Variants in EPB41L1 observed in about 807,000 individuals in gnomAD.
EPB41L1 encodes erythrocyte membrane protein band 4.1 like 1.
In EPB41L1, 29 loss-of-function variants were observed where a neutral mutation model predicts 97.8. That is an observed-to-expected ratio of 0.30 (90% CI 0.22 to 0.40). The LOEUF (loss-of-function observed/expected upper bound fraction) is 0.40. Among genes scored for constraint, EPB41L1 ranks in the 10% least tolerant of loss-of-function variants. EPB41L1 has a pLI of 1.00. For missense variants in EPB41L1, 812 were observed against 1,162.3 expected, an observed-to-expected ratio of 0.70 and a Z score of 4.38; for synonymous variants, 383 against 459.2, an observed-to-expected ratio of 0.83 and a Z score of 2.12.
intron 2 of EPB41L1, among the ~76,000 whole-genome samples, chr20:36,148,269 A>G (rs1273660119): frequency 2.0e-5 from 3 of 152,214 alleles, no homozygotes. Context: ...GACAGGTCAC[A>G]TGACCCTGAA....
At chr20:36,197,534 G>A (rs2062267049) in intron 13 of EPB41L1, 2 of 655,410 alleles carry the variant, frequency 3.1e-6, no homozygotes, top group African/African-American at 2.0e-5. Context: ...TAGCACCACA[G>A]GGAACTCACC....
rs1316126455 is a variant in EPB41L1, at chr20:36,206,866, C to A, written c.1669-2622C>A. 1.6e-6 allele frequency: 2 copies of A among 1,289,806 alleles called. No individual in the cohort carries two copies. The highest frequency in any genetic ancestry group is 3.0e-5 in the African/African-American group (2 of 65,878). 79.9% of individuals were successfully genotyped at this position (1,289,806 alleles called of 1,614,324 possible). On this transcript the variant is annotated intron_variant, in intron 14 of 21. Coordinates refer to ENST00000338074, the MANE Select transcript of EPB41L1 (RefSeq NM_012156.2). The surrounding 1 kb of genome is among the most constrained non-coding windows in gnomAD (Gnocchi z 5.5). ...GGCTGAGGAAAGTCCCACAGAGGAA[C>A]TGAAGAAGCACCCTCCTCACAGAGG...
chr20:36,181,337 A>G (rs1275645552), intron 5 of EPB41L1, among the ~76,000 whole-genome samples: 2 of 152,296 alleles, frequency 1.3e-5, no homozygotes, highest in East Asian at 3.9e-4. Context: ...TCCCCTCTCA[A>G]GTGACCACCC....
At chr20:36,113,383 T>C (rs1304149665) in intron 2 of EPB41L1, among the ~76,000 whole-genome samples, 1 of 151,888 alleles carries the variant, frequency 6.6e-6, no homozygotes, top group African/African-American at 2.4e-5. Flanking sequence ...TGAAGTATCT[T>C]TGTACCCCTA....
chr20:36,135,398 T>G (rs891896649), intron 2 of EPB41L1, among the ~76,000 whole-genome samples: 2 of 152,204 alleles, frequency 1.3e-5, no homozygotes, highest in African/African-American at 4.8e-5. Flanking sequence ...TGATACCACA[T>G]GGGCCGAAGC....
intron 2 of EPB41L1, among the ~76,000 whole-genome samples, chr20:36,143,946 G>A (rs2059742655): frequency 1.3e-5 from 2 of 151,558 alleles, no homozygotes; most frequent in South Asian, 4.2e-4. Flanking sequence ...TCTGCCTCCC[G>A]GGTTCAAGTG....
At chr20:36,118,667 A>T (rs1423129296) in intron 2 of EPB41L1, among the ~76,000 whole-genome samples, 1 of 152,210 alleles carries the variant, frequency 6.6e-6, no homozygotes, top group Admixed American at 6.5e-5. Flanking sequence ...CAATTTTTTT[A>T]AAAAAGAATA....
rs1415843121 is a variant in EPB41L1 at position 36,206,911 on chromosome 20, C to T, written c.1669-2577C>T. ...CAGAGGACAGGGCGTGCATCCCGAC[C>T]CCCAGGCCTGCGCCCTTCCTCGGGC... On this transcript the variant is annotated intron_variant, in intron 14 of 21. Coordinates refer to ENST00000338074, the MANE Select transcript of EPB41L1 (RefSeq NM_012156.2). The surrounding 1 kb of genome is among the most constrained non-coding windows in gnomAD (Gnocchi z 5.5). The T allele has an allele frequency of 1.6e-6, 2 of 1,289,952 alleles. No homozygotes were observed. Among genetic ancestry groups the T allele is most frequent in the South Asian group, 1.2e-5 (1 of 81,038 alleles). The allele number at this position is 1,289,952 out of a possible 1,614,324, so 79.9% of individuals were successfully genotyped here.
At position 36,206,751 on chromosome 20, in the gene EPB41L1, C is replaced by T; in HGVS notation, c.1669-2737C>T. 7.8e-7 allele frequency: 1 copy of T among 1,289,824 alleles called. No homozygotes were observed. Among genetic ancestry groups the T allele is most frequent in the Non-Finnish European group, 1.0e-6 (1 of 988,888 alleles). The allele number at this position is 1,289,824 out of a possible 1,614,324, so 79.9% of individuals were successfully genotyped here. A position where few individuals can be genotyped will look rare whatever the true frequency, so the allele number is the denominator to read the frequency against. On this transcript the variant is annotated intron_variant, in intron 14 of 21. Coordinates refer to ENST00000338074, the MANE Select transcript of EPB41L1 (RefSeq NM_012156.2). The surrounding 1 kb of genome is among the most constrained non-coding windows in gnomAD (Gnocchi z 5.5). Reference sequence around the variant, plus strand: ...CGTTTGCTGAAGGCTGGGAAGATGCCCAGTGGGGAGTGGAAGGAGAGTTTC... The same window carrying T: ...CGTTTGCTGAAGGCTGGGAAGATGCTCAGTGGGGAGTGGAAGGAGAGTTTC...
At chr20:36,143,182 T>TGTGTGTGTGTGTG (rs1600555294) in intron 2 of EPB41L1, among the ~76,000 whole-genome samples, 2 of 113,494 alleles carry the variant, frequency 1.8e-5, no homozygotes, top group African/African-American at 7.2e-5. Context: ...TGTGTGTGTG[T>TGTGTGTGTGTGTG]TGGGGATAGA....
chr20:36,173,104 C>A (rs1017525306), intron 1 of EPB41L1, among the ~76,000 whole-genome samples: 2 of 152,224 alleles, frequency 1.3e-5, no homozygotes, highest in Non-Finnish European at 2.9e-5. Flanking sequence ...TTGGATGAGT[C>A]TGAGAGAGGT....
At chr20:36,140,231 GTTTT>G (rs756465286) in intron 2 of EPB41L1, among the ~76,000 whole-genome samples, 1 of 121,356 alleles carries the variant, frequency 8.2e-6, no homozygotes, top group Admixed American at 8.6e-5. Context: ...CTTTTTGTAT[GTTTT>G]TTTTTTTTTT....
chr20:36,214,487 C>G (rs1304117375), intron 17 of EPB41L1, 47 bp downstream of exon 17: 1 of 1,481,000 alleles, frequency 6.8e-7, no homozygotes, highest in Admixed American at 1.8e-5. Context: ...CCCCCTGCCC[C>G]ACCAAACAGC....
At position 36,212,356 on chromosome 20, in the gene EPB41L1, T is replaced by C; in HGVS notation, c.2164T>C (p.Ser722Pro). ...GGAGGCCGTACTGCAGACCAGAGTC[T>C]CCGCTATGGATAACACCCAGGTAAC... ...EPEAVLQTRVSAMDNTQQVDG... is the reference protein window; with the variant it reads ...EPEAVLQTRVPAMDNTQQVDG... The change falls in exon 16 of 22, where the codon TCC becomes CCC. Residue 722 changes from serine (S) to proline (P), a missense_variant. Around this residue, in one of 3 missense-constraint regions of EPB41L1, gnomAD observed 498 missense variants for 622.7 expected, o/e 0.80. Coordinates refer to ENST00000338074, the MANE Select transcript of EPB41L1 (RefSeq NM_012156.2). This position sits in a 1 kb window ranked among gnomAD's most constrained non-coding sequence, Gnocchi z 4.8. The C allele has an allele frequency of 6.2e-7, 1 of 1,614,184 alleles. No individual in the cohort carries two copies. Among genetic ancestry groups the C allele is most frequent in the Non-Finnish European group, 8.5e-7 (1 of 1,180,018 alleles).
At chr20:36,104,540 G>T (rs753117972) in intron 1 of EPB41L1, among the ~76,000 whole-genome samples, 1 of 152,126 alleles carries the variant, frequency 6.6e-6, no homozygotes, top group Non-Finnish European at 1.5e-5. Context: ...AGGCTTTATG[G>T]CAGAGAGAGT....
intron 2 of EPB41L1, among the ~76,000 whole-genome samples, chr20:36,126,581 G>T (rs557831628): frequency 7.4e-4 from 113 of 152,234 alleles, no homozygotes; most frequent in Middle Eastern, 3.4e-3. Flanking sequence ...GGTCAGGCTG[G>T]TCTCAAACTC....
Position 36,207,609 on chromosome 20 carries a change from C to T in EPB41L1, c.1669-1879C>T. ...ACCTGGGCTTCGCCCAACTCCAGCC[C>T]CCAGGGGACTTTGCCAGCCCCAAAG... On this transcript the variant is annotated intron_variant, in intron 14 of 21. Coordinates refer to ENST00000338074, the MANE Select transcript of EPB41L1 (RefSeq NM_012156.2). This position sits in a 1 kb window ranked among gnomAD's most constrained non-coding sequence, Gnocchi z 4.9. 1 of 1,290,074 alleles carries T rather than the reference C, an allele frequency of 7.8e-7. No homozygotes were observed. Among genetic ancestry groups the T allele is most frequent in the Non-Finnish European group, 1.0e-6 (1 of 988,934 alleles). 79.9% of individuals were successfully genotyped at this position (1,290,074 alleles called of 1,614,324 possible). A position where few individuals can be genotyped will look rare whatever the true frequency, so the allele number is the denominator to read the frequency against.
rs766159581 is a variant in EPB41L1, at chr20:36,197,953, A to T, written c.1580A>T (p.His527Leu). 1.2e-6 allele frequency: 2 copies of T among 1,614,058 alleles called. No individual in the cohort carries two copies. The highest frequency in any genetic ancestry group is 8.5e-7 in the Non-Finnish European group (1 of 1,180,018). Residue 527 changes from histidine (H) to leucine (L), a missense_variant, in exon 14 of 22, where the codon CAC becomes CTC. His to Leu is a moderately conservative substitution (Grantham distance 99). Coordinates refer to ENST00000338074, the MANE Select transcript of EPB41L1 (RefSeq NM_012156.2). ...AAGGAGCCCAACAGCAAACTCATCC[A>T]CCGGGATCGAGACTGGGAACGGGAG... ...TLKEPNSKLI[H>L]RDRDWERERR...
At chr20:36,164,720 T>A (rs1217447243) in intron 1 of EPB41L1, among the ~76,000 whole-genome samples, 1 of 152,192 alleles carries the variant, frequency 6.6e-6, no homozygotes, top group Admixed American at 6.6e-5. Flanking sequence ...GGAGTCTTGC[T>A]CTGTCTCCAG....
Sources: gnomAD v4.1 joint callset for allele counts (sites outside exome capture counted in the v4.1 genomes callset) on GRCh38, gnomAD v4.1.1 for gene constraint, gnomAD v4.1.1 regional missense constraint, Gnocchi (gnomAD v3.1) non-coding constraint, MANE v1.5 for transcripts, NCBI Gene and HGNC (gene_info 2026-07-23, HGNC 2026-07-21) for gene names.